Variants in CNBD1 observed in about 807,000 individuals in gnomAD.
The protein encoded by CNBD1 is cyclic nucleotide binding domain containing 1.
Under a neutral mutation model 54.4 loss-of-function variants are expected in CNBD1, and 71 were observed. That is an observed-to-expected ratio of 1.30 (90% CI 1.08 to 1.59). CNBD1 has a LOEUF of 1.59. CNBD1 is among the 40% of genes most tolerant of loss of function. The pLI, the probability that CNBD1 is intolerant of heterozygous loss-of-function variation, is 0.00. For missense variants in CNBD1, 659 were observed against 518.0 expected (o/e 1.27, Z -2.64); for synonymous variants, 182 against 170.7 (o/e 1.07, Z -0.51).
At chr8:87,172,457 G>A (rs114122985) in intron 4 of CNBD1, among the ~76,000 whole-genome samples, 2,423 of 152,140 alleles carry the variant, frequency 0.016, 55 homozygotes, top group African/African-American at 0.055. Context: ...GTTCAATGCT[G>A]AAAGTGGGTG....
At chr8:87,330,894 A>G (rs1286017501) in intron 8 of CNBD1, among the ~76,000 whole-genome samples, 1 of 152,162 alleles carries the variant, frequency 6.6e-6, no homozygotes, top group Non-Finnish European at 1.5e-5. Context: ...TTAGATATAA[A>G]TTAGGTTTCT....
At chr8:87,272,871 TTTAA>T (rs1309460029) in intron 6 of CNBD1, among the ~76,000 whole-genome samples, 11 of 152,120 alleles carry the variant, frequency 7.2e-5, no homozygotes, top group South Asian at 4.1e-4. Flanking sequence ...TAACAACTTC[TTTAA>T]TTAACACTAA....
intron 6 of CNBD1, among the ~76,000 whole-genome samples, chr8:87,274,994 C>T (rs1277609733): frequency 2.2e-5 from 3 of 133,702 alleles, no homozygotes; most frequent in Non-Finnish European, 4.8e-5. Flanking sequence ...CTACATATGG[C>T]TAGCCAGTTT....
chr8:87,053,798 C>T (rs1810359252), intron 4 of CNBD1, among the ~76,000 whole-genome samples: 1 of 152,144 alleles, frequency 6.6e-6, no homozygotes, highest in Admixed American at 6.5e-5. Context: ...GGCAAAGCCC[C>T]CTAATGGAGG....
intron 2 of CNBD1, among the ~76,000 whole-genome samples, chr8:87,418,219 G>A (rs2130990696): frequency 6.6e-6 from 1 of 151,960 alleles, no homozygotes; most frequent in Middle Eastern, 3.4e-3. Flanking sequence ...TAATATAAGA[G>A]TCCAGAAATA....
chr8:87,278,299 T>G (rs1808525071), intron 6 of CNBD1, among the ~76,000 whole-genome samples: 1 of 151,570 alleles, frequency 6.6e-6, no homozygotes, highest in African/African-American at 2.4e-5. Context: ...GATTGAAATT[T>G]TTTTCTGACT....
At chr8:87,304,915 A>C (rs913749391) in intron 8 of CNBD1, among the ~76,000 whole-genome samples, 2 of 152,126 alleles carry the variant, frequency 1.3e-5, no homozygotes, top group African/African-American at 4.8e-5. Flanking sequence ...TTATCAGAGC[A>C]ATCAAGAGAA....
At chr8:87,123,606 A>T (rs1300086611) in intron 4 of CNBD1, among the ~76,000 whole-genome samples, 4 of 151,704 alleles carry the variant, frequency 2.6e-5, no homozygotes, top group Non-Finnish European at 5.9e-5. Context: ...AGCCTCAGGA[A>T]ACTAGAAAAA....
chr8:87,299,859 C>T (rs1333768046), intron 8 of CNBD1, among the ~76,000 whole-genome samples: 1 of 152,196 alleles, frequency 6.6e-6, no homozygotes, highest in Non-Finnish European at 1.5e-5. Context: ...TTGCAGTGAA[C>T]AACCTGCAAA....
At chr8:87,137,305 T>C (rs1184905979) in intron 4 of CNBD1, among the ~76,000 whole-genome samples, 1 of 150,848 alleles carries the variant, frequency 6.6e-6, no homozygotes, top group Non-Finnish European at 1.5e-5. Context: ...CACACTATTC[T>C]CCTGCCTCAG....
chr8:87,409,592 G>A (rs961234044), intron 2 of CNBD1, among the ~76,000 whole-genome samples: 7 of 152,126 alleles, frequency 4.6e-5, no homozygotes, highest in African/African-American at 1.7e-4. Context: ...AGCAGGAGAA[G>A]AGAAGTCAAT....
At chr8:87,228,154 C>G (rs1027219714) in intron 5 of CNBD1, among the ~76,000 whole-genome samples, 3 of 150,464 alleles carry the variant, frequency 2.0e-5, no homozygotes, top group Admixed American at 6.6e-5. Flanking sequence ...AAATTTTTTT[C>G]AAAGTTTTCT....
intron 8 of CNBD1, among the ~76,000 whole-genome samples, chr8:87,319,904 A>G (rs1809482841): frequency 6.6e-6 from 1 of 152,028 alleles, no homozygotes; most frequent in South Asian, 2.1e-4. Context: ...ATTTTGTCCT[A>G]AGTTCTTGAT....
intron 6 of CNBD1, among the ~76,000 whole-genome samples, chr8:87,252,261 T>G (rs563841944): frequency 1.9e-4 from 29 of 152,288 alleles, no homozygotes; most frequent in Admixed American, 1.7e-3. Flanking sequence ...AAGTGCACTT[T>G]CCCTTCATAT....
At chr8:87,418,779 T>C (rs1019728935) in intron 2 of CNBD1, among the ~76,000 whole-genome samples, 5 of 151,894 alleles carry the variant, frequency 3.3e-5, no homozygotes, top group Non-Finnish European at 7.4e-5. Context: ...CAATAGGATA[T>C]CAAAATATAA....
chr8:87,418,620 G>A (rs547204480), intron 2 of CNBD1, among the ~76,000 whole-genome samples: 1 of 151,900 alleles, frequency 6.6e-6, no homozygotes, highest in South Asian at 2.1e-4. Flanking sequence ...ATATGATTAG[G>A]ATCTAGTTTC....
At chr8:87,086,210 T>C (rs1185255484) in intron 4 of CNBD1, among the ~76,000 whole-genome samples, 1 of 152,200 alleles carries the variant, frequency 6.6e-6, no homozygotes, top group South Asian at 2.1e-4. Context: ...AATTCAATAA[T>C]ACTTTTTAGC....
intron 4 of CNBD1, among the ~76,000 whole-genome samples, chr8:87,017,882 C>T (rs918377475): frequency 1.3e-5 from 2 of 152,134 alleles, no homozygotes; most frequent in African/African-American, 2.4e-5. Context: ...AACAAAGGCA[C>T]TCGTTATTTT....
chr8:87,074,119 C>G (rs953186465), intron 4 of CNBD1, among the ~76,000 whole-genome samples: 7 of 138,154 alleles, frequency 5.1e-5, no homozygotes, highest in African/African-American at 2.0e-4. Flanking sequence ...AAAAAAAAGG[C>G]AGCAGTCTGG....
Sources: gnomAD v4.1 joint callset for allele counts (sites outside exome capture counted in the v4.1 genomes callset) on GRCh38, gnomAD v4.1.1 for gene constraint, MANE v1.5 for transcripts, NCBI Gene and HGNC (gene_info 2026-07-23, HGNC 2026-07-21) for gene names.